The following CNTNAP2 variants were observed in gnomAD, a reference collection of about 807,000 sequenced individuals.
CNTNAP2 encodes the protein contactin-associated protein-like 2.
Under a neutral mutation model 155.2 loss-of-function variants are expected in CNTNAP2, and 98 were observed. That is an observed-to-expected ratio of 0.63 (90% CI 0.54 to 0.75). CNTNAP2 has a LOEUF of 0.75. Among genes scored for constraint, CNTNAP2 ranks in the 30% least tolerant of loss-of-function variants. The probability of loss-of-function intolerance (pLI) is 0.00; values close to 1 mark genes in which losing one functional copy is unlikely to be tolerated. For synonymous variants in CNTNAP2, 651 were observed against 631.2 expected (o/e 1.03, Z -0.47); for missense variants, 1,727 against 1,688.1 (o/e 1.02, Z -0.40).
chr7:147,705,759 AT>A (rs765609262), intron 13 of CNTNAP2, among the ~76,000 whole-genome samples: 13 of 152,090 alleles, frequency 8.5e-5, no homozygotes, highest in Non-Finnish European at 1.6e-4. Context: ...TGTGTTTAGA[AT>A]TTTTATATCC....
At chr7:148,224,083 A>G (rs1029493583) in intron 19 of CNTNAP2, among the ~76,000 whole-genome samples, 3 of 152,122 alleles carry the variant, frequency 2.0e-5, no homozygotes, top group South Asian at 4.2e-4. Context: ...CTTTAAAAAA[A>G]AAAAGCTGTG....
intron 1 of CNTNAP2, among the ~76,000 whole-genome samples, chr7:146,394,737 T>C (rs1246795276): frequency 6.6e-6 from 1 of 152,154 alleles, no homozygotes; most frequent in African/African-American, 2.4e-5. Flanking sequence ...ACAAATTTTA[T>C]GATGTCTGAT....
intron 3 of CNTNAP2, among the ~76,000 whole-genome samples, chr7:146,978,446 T>C (rs1797954504): frequency 6.6e-6 from 1 of 151,832 alleles, no homozygotes; most frequent in Non-Finnish European, 1.5e-5. Context: ...TTTCCAGGAG[T>C]TGGAATAATG....
intron 1 of CNTNAP2, among the ~76,000 whole-genome samples, chr7:146,622,069 G>A (rs1320973014): frequency 6.6e-6 from 1 of 151,684 alleles, no homozygotes; most frequent in Non-Finnish European, 1.5e-5. Context: ...TCACTACAGA[G>A]TTTTTGAAAA....
Position 146,531,522 on chromosome 7 carries a change from T to C in CNTNAP2, c.98-242749T>C, listed in dbSNP as rs117952832. On this transcript the variant is annotated intron_variant, in intron 1 of 23. Transcript: ENST00000361727. ...AGACATAGATTGGCTTAGAATGTTA[T>C]AAAAATGCTAATAATTTATAGCTTT... Among the ~76,000 whole-genome samples the C allele has an allele frequency of 7.7e-3, 1,167 of 152,240 alleles. 8 individuals carry two copies. The highest frequency in any genetic ancestry group is 0.012 in the Non-Finnish European group (799 of 68,014).
At chr7:147,106,384 T>G (rs1308518501) in intron 4 of CNTNAP2, among the ~76,000 whole-genome samples, 1 of 152,086 alleles carries the variant, frequency 6.6e-6, no homozygotes. Context: ...TGACAGTATA[T>G]AGGATTAAGC....
At position 146,280,936 on chromosome 7, in the gene CNTNAP2, C is replaced by T. The variant is rs556980887; in HGVS notation, c.97+163963C>T. On this transcript the variant is annotated intron_variant, in intron 1 of 23. Coordinates refer to ENST00000361727, the MANE Select transcript of CNTNAP2 (RefSeq NM_014141.6). ...ATGCAAGATTACCTGAGGAACTTCT[C>T]AGGGTGAGGATGGGAGCAGAAACTT... Among the ~76,000 whole-genome samples the T allele has an allele frequency of 4.6e-5, 7 of 152,260 alleles. No homozygotes were observed. The South Asian group carries it at 1.5e-3, about 32-fold the overall frequency.
intron 3 of CNTNAP2, among the ~76,000 whole-genome samples, chr7:146,842,934 C>G (rs1278722663): frequency 6.7e-6 from 1 of 149,814 alleles, no homozygotes; most frequent in Non-Finnish European, 1.5e-5. Context: ...ATCTGCCTGC[C>G]TCGGCCTCCC....
intron 15 of CNTNAP2, among the ~76,000 whole-genome samples, chr7:147,980,774 A>AAC (rs1455539328): frequency 6.7e-6 from 1 of 150,328 alleles, no homozygotes; most frequent in Non-Finnish European, 1.5e-5. Flanking sequence ...AATACAAAAA[A>AAC]AAAAAAATTA....
At chr7:147,154,598 T>C (rs1321369547) in intron 8 of CNTNAP2, among the ~76,000 whole-genome samples, 1 of 152,150 alleles carries the variant, frequency 6.6e-6, no homozygotes, top group Non-Finnish European at 1.5e-5. Context: ...AATGACAGTC[T>C]GTCCTATTTC....
At chr7:146,439,662 T>C (rs1796292863) in intron 1 of CNTNAP2, among the ~76,000 whole-genome samples, 1 of 151,538 alleles carries the variant, frequency 6.6e-6, no homozygotes, top group Admixed American at 6.6e-5. Flanking sequence ...AAAACAGAAT[T>C]TTTTCCTTAT....
intron 1 of CNTNAP2, among the ~76,000 whole-genome samples, chr7:146,528,117 T>A (rs1797718228): frequency 1.3e-5 from 2 of 152,222 alleles, no homozygotes; most frequent in Admixed American, 6.6e-5. Context: ...AAGTCCTTTT[T>A]ACTCGGTTTG....
intron 13 of CNTNAP2, among the ~76,000 whole-genome samples, chr7:147,707,543 C>T (rs1796333938): frequency 6.6e-6 from 1 of 152,194 alleles, no homozygotes. Context: ...ACAGGCCAAA[C>T]ATGCCTTTCC....
At chr7:146,883,362 T>C (rs923598272) in intron 3 of CNTNAP2, among the ~76,000 whole-genome samples, 2 of 152,184 alleles carry the variant, frequency 1.3e-5, no homozygotes, top group African/African-American at 2.4e-5. Context: ...GCCTTTCTCT[T>C]TTCTTTAGTT....
chr7:146,483,328 T>TACATAC (rs1797006463), intron 1 of CNTNAP2, among the ~76,000 whole-genome samples: 4 of 81,558 alleles, frequency 4.9e-5, no homozygotes, highest in African/African-American at 1.3e-4. Flanking sequence ...TATATATATA[T>TACATAC]ACATATATAT....
chr7:146,364,179 G>C (rs894746358), intron 1 of CNTNAP2, among the ~76,000 whole-genome samples: 2 of 152,044 alleles, frequency 1.3e-5, no homozygotes, highest in African/African-American at 4.8e-5. Context: ...TAATTAACAG[G>C]CAGTGGATCT....
intron 3 of CNTNAP2, among the ~76,000 whole-genome samples, chr7:146,862,850 A>G (rs1366361274): frequency 6.6e-6 from 1 of 152,196 alleles, no homozygotes; most frequent in East Asian, 1.9e-4. Context: ...CAGCCACTCC[A>G]GGGTGTAATG....
chr7:147,021,873 G>T (rs1798823289), intron 3 of CNTNAP2, among the ~76,000 whole-genome samples: 1 of 144,272 alleles, frequency 6.9e-6, no homozygotes, highest in African/African-American at 2.8e-5. Context: ...GACCCATAGA[G>T]GGTTAAAGAT....
chr7:147,459,939 C>T (rs368521936), intron 10 of CNTNAP2, among the ~76,000 whole-genome samples: 5 of 151,974 alleles, frequency 3.3e-5, no homozygotes, highest in African/African-American at 4.8e-5. Context: ...GGGAGTTGAA[C>T]GATGAGAACA....
Sources: gnomAD v4.1 joint callset for allele counts (sites outside exome capture counted in the v4.1 genomes callset) on GRCh38, gnomAD v4.1.1 for gene constraint, MANE v1.5 for transcripts, NCBI Gene and HGNC (gene_info 2026-07-23, HGNC 2026-07-21) for gene names.